The following CBLN4 variants were observed in gnomAD, a reference collection of about 807,000 sequenced individuals.
CBLN4 encodes the protein cerebellin-4.
A neutral mutation model predicts 14.9 loss-of-function variants in CBLN4; 7 were observed. The observed-to-expected ratio is 0.47, with a 90% CI of 0.27 to 0.88. The LOEUF is 0.88. Among genes scored for constraint, CBLN4 ranks in the 40% least tolerant of loss-of-function variants. The pLI is 0.14. For missense variants in CBLN4, 188 were observed against 256.8 expected, an observed-to-expected ratio of 0.73 and a Z score of 1.83; for synonymous variants, 131 against 116.5, an observed-to-expected ratio of 1.12 and a Z score of -0.80.
rs1482510429 is a variant in CBLN4, at chr20:55,997,803, G to A, written c.*754C>T. 6.6e-6 allele frequency: 1 copy of A among 152,490 alleles called. No homozygotes were observed. The highest frequency in any genetic ancestry group is 1.5e-5 in the Non-Finnish European group (1 of 67,994). 9.4% of individuals were successfully genotyped at this position (152,490 alleles called of 1,614,324 possible). On this transcript the variant is annotated 3_prime_UTR_variant, in exon 3 of 3. Coordinates refer to ENST00000064571, the MANE Select transcript of CBLN4 (RefSeq NM_080617.6). ...ATTTCCCTCGGAGGGGAGCTGTTTT[G>A]CTGAGGCTCAGGGATTGAGCACTTA...
intron 1 of CBLN4, 32 bp downstream of exon 1, chr20:56,003,849 C>G (rs747707490): frequency 1.2e-5 from 19 of 1,567,688 alleles, no homozygotes; most frequent in Non-Finnish European, 1.6e-5. Context: ...GACCGCCCAC[C>G]CCCTAGGTGC....
intron 1 of CBLN4, among the ~76,000 whole-genome samples, 178 bp downstream of exon 1, chr20:56,003,703 T>A (rs1986413399): frequency 2.0e-5 from 3 of 151,836 alleles, no homozygotes; most frequent in Admixed American, 1.3e-4. Context: ...CCGGGGCTGG[T>A]GAGAGGGGTA....
chr20:55,999,801 G>A (rs1324997792), intron 2 of CBLN4, among the ~76,000 whole-genome samples: 1 of 152,114 alleles, frequency 6.6e-6, no homozygotes, highest in Non-Finnish European at 1.5e-5. Context: ...ACTGTGTCAA[G>A]CATTGCATAC....
chr20:56,000,558 AATGG>A (rs1157923058), intron 2 of CBLN4, among the ~76,000 whole-genome samples, 169 bp downstream of exon 2: 5 of 152,228 alleles, frequency 3.3e-5, no homozygotes, highest in African/African-American at 1.2e-4. Flanking sequence ...GTCACGTCTT[AATGG>A]ATGTTAAAGA....
At chr20:56,000,203 A>T (rs1986345791) in intron 2 of CBLN4, among the ~76,000 whole-genome samples, 1 of 152,256 alleles carries the variant, frequency 6.6e-6, no homozygotes, top group South Asian at 2.1e-4. Flanking sequence ...CTAGCATCAG[A>T]GTAACTGAGG....
rs1337959805 is a variant in CBLN4 at position 56,004,973 on chromosome 20, C to T, written c.-802G>A. 6.6e-6 allele frequency: 1 copy of T among 152,346 alleles called. No individual in the cohort carries two copies. The highest frequency in any genetic ancestry group is 1.5e-5 in the Non-Finnish European group (1 of 68,148). 9.4% of individuals were successfully genotyped at this position (152,346 alleles called of 1,614,324 possible). ...CAACTTTCTCGTCCCTCGTGCAGCC[C>T]GGAGAGCGCGAAGCGGGCACACGCG... On this transcript the variant is annotated 5_prime_UTR_variant, in exon 1 of 3. Coordinates refer to ENST00000064571, the MANE Select transcript of CBLN4 (RefSeq NM_080617.6). This position sits in a 1 kb window ranked among gnomAD's most constrained non-coding sequence, Gnocchi z 6.1.
chr20:55,998,058 A>C lies in CBLN4; in HGVS notation c.*499T>G, dbSNP rs570910562. Reference sequence around the variant, plus strand: ...AAACATAATACCAGTTACTGAAAAAAAAAATCCAAGTTTTTTACAAGAACC... The same window carrying C: ...AAACATAATACCAGTTACTGAAAAACAAAATCCAAGTTTTTTACAAGAACC... On this transcript the variant is annotated 3_prime_UTR_variant, in exon 3 of 3. Transcript: ENST00000064571. 1 of 152,934 alleles carries C rather than the reference A, an allele frequency of 6.5e-6. No individual in the cohort carries two copies. The highest frequency in any genetic ancestry group is 6.5e-5 in the Admixed American group (1 of 15,322). 9.5% of individuals were successfully genotyped at this position (152,934 alleles called of 1,614,324 possible). A position where few individuals can be genotyped will look rare whatever the true frequency, so the allele number is the denominator to read the frequency against.
At position 55,998,329 on chromosome 20, in the gene CBLN4, A is replaced by C. The variant is rs1414414690; in HGVS notation, c.*228T>G. 2 of 518,464 alleles carry C rather than the reference A, an allele frequency of 3.9e-6. No individual in the cohort carries two copies. Among genetic ancestry groups the C allele is most frequent in the Non-Finnish European group, 6.8e-6 (2 of 295,094 alleles). The allele number at this position is 518,464 out of a possible 1,614,324, so 32.1% of individuals were successfully genotyped here. On this transcript the variant is annotated 3_prime_UTR_variant, in exon 3 of 3. Transcript: ENST00000064571. ...AGACAGCTTTTGACTGTTACATTTA[A>C]GCATAGGTATTATCTGCTTAGAGTC...
At position 56,004,575 on chromosome 20, in the gene CBLN4, A is replaced by C; in HGVS notation, c.-404T>G. The C allele has an allele frequency of 1.8e-5, 3 of 162,262 alleles. No homozygotes were observed. The highest frequency in any genetic ancestry group is 2.7e-5 in the Non-Finnish European group (2 of 75,222). The allele number at this position is 162,262 out of a possible 1,614,324, so 10.1% of individuals were successfully genotyped here. A position where few individuals can be genotyped will look rare whatever the true frequency, so the allele number is the denominator to read the frequency against. On this transcript the variant is annotated 5_prime_UTR_variant, in exon 1 of 3. Coordinates refer to ENST00000064571, the MANE Select transcript of CBLN4 (RefSeq NM_080617.6). This position sits in a 1 kb window ranked among gnomAD's most constrained non-coding sequence, Gnocchi z 6.1. ...AAACTCAAGCACCACCAGCTAAACC[A>C]CGGAGCAGGAACAAAAAGAGGGGAC...
chr20:56,004,149 AGCGCCCG>A lies in CBLN4; in HGVS notation c.16_22del (p.Arg6CysfsTer79). ...CAGCAGCACGGCCGGCACCGCGGAC[AGCGCCCG>A]GCGCCCGGAGCCCATGGTGAGCCGT... On this transcript the variant is annotated frameshift_variant, in exon 1 of 3. Coordinates refer to ENST00000064571, the MANE Select transcript of CBLN4 (RefSeq NM_080617.6). LOFTEE classifies it high-confidence loss of function. This position sits in a 1 kb window ranked among gnomAD's most constrained non-coding sequence, Gnocchi z 6.1. The A allele has an allele frequency of 6.4e-7, 1 of 1,553,638 alleles. No homozygotes were observed. Among genetic ancestry groups the A allele is most frequent in the Non-Finnish European group, 8.7e-7 (1 of 1,154,218 alleles).
intron 1 of CBLN4, among the ~76,000 whole-genome samples, chr20:56,003,372 A>T (rs764626038): frequency 6.6e-6 from 1 of 152,182 alleles, no homozygotes; most frequent in Non-Finnish European, 1.5e-5. Context: ...CTCCGCGGCC[A>T]CCTGCCCGAT....
intron 2 of CBLN4, 26 bp downstream of exon 2, chr20:56,000,705 T>C (rs1415998401): frequency 3.3e-6 from 4 of 1,215,044 alleles, no homozygotes; most frequent in African/African-American, 1.6e-5. Flanking sequence ...GTTGAGAGTA[T>C]GGATGGAAGA....
Position 56,004,229 on chromosome 20 carries a change from C to T in CBLN4, c.-58G>A. 1 of 1,359,524 alleles carries T rather than the reference C, an allele frequency of 7.4e-7. No individual in the cohort carries two copies. Among genetic ancestry groups the T allele is most frequent in the South Asian group, 1.7e-5 (1 of 57,732 alleles). 84.2% of individuals were successfully genotyped at this position (1,359,524 alleles called of 1,614,324 possible). Reference sequence around the variant, plus strand: ...CGCTGGTGCTCGCCCGCGTCGCCTCCTACCCCGGGATCCCGGTGCTCGGGA... The same window carrying T: ...CGCTGGTGCTCGCCCGCGTCGCCTCTTACCCCGGGATCCCGGTGCTCGGGA... On this transcript the variant is annotated 5_prime_UTR_variant, in exon 1 of 3. Transcript: ENST00000064571. This position sits in a 1 kb window ranked among gnomAD's most constrained non-coding sequence, Gnocchi z 6.1.
At chr20:55,998,891 A>C in intron 2 of CBLN4, 137 bp from the exon 3 acceptor site, 1 of 692,634 alleles carries the variant, frequency 1.4e-6, no homozygotes, top group Non-Finnish European at 2.4e-6. Context: ...TTCCTTTCAA[A>C]TTAGCCAATT....
At chr20:56,000,591 A>G in intron 2 of CBLN4, 140 bp downstream of exon 2, 1 of 443,122 alleles carries the variant, frequency 2.3e-6, no homozygotes, top group Non-Finnish European at 4.0e-6. Context: ...TTAGAAATTA[A>G]GTGTTTTAAA....
rs1046721865 is a variant in CBLN4 at position 55,997,399 on chromosome 20, G to T, written c.*1158C>A. On this transcript the variant is annotated 3_prime_UTR_variant, in exon 3 of 3. Coordinates refer to ENST00000064571, the MANE Select transcript of CBLN4 (RefSeq NM_080617.6). ...AAAGTAAGAGGAAATAAATAATGTAGAATACATATTTCCAAAACGGAAAGA... is the reference window on the plus strand; with the variant it reads ...AAAGTAAGAGGAAATAAATAATGTATAATACATATTTCCAAAACGGAAAGA... 2.6e-5 allele frequency: 4 copies of T among 152,198 alleles called. No homozygotes were observed. Among genetic ancestry groups the T allele is most frequent in the African/African-American group, 9.7e-5 (4 of 41,334 alleles). 9.4% of individuals were successfully genotyped at this position (152,198 alleles called of 1,614,324 possible).
At chr20:56,002,430 T>G (rs1356273262) in intron 1 of CBLN4, among the ~76,000 whole-genome samples, 3 of 152,246 alleles carry the variant, frequency 2.0e-5, no homozygotes, top group Non-Finnish European at 4.4e-5. Flanking sequence ...GGATGTTGAC[T>G]CTACACTGTA....
intron 1 of CBLN4, among the ~76,000 whole-genome samples, chr20:56,002,600 A>G (rs1986392749): frequency 6.6e-6 from 1 of 152,250 alleles, no homozygotes; most frequent in South Asian, 2.1e-4. Flanking sequence ...CAATGCCCAC[A>G]GTATTCCAAC....
chr20:56,003,345 C>G (rs1229796825), intron 1 of CBLN4, among the ~76,000 whole-genome samples: 1 of 152,238 alleles, frequency 6.6e-6, no homozygotes, highest in African/African-American at 2.4e-5. Flanking sequence ...GATCTGACCC[C>G]CGGCTCTGCC....
Sources: gnomAD v4.1 joint callset for allele counts (sites outside exome capture counted in the v4.1 genomes callset) on GRCh38, gnomAD v4.1.1 for gene constraint, Gnocchi (gnomAD v3.1) non-coding constraint, MANE v1.5 for transcripts, NCBI Gene and HGNC (gene_info 2026-07-23, HGNC 2026-07-21) for gene names.